PKD1L3: variants seen among roughly 807,000 people sequenced by gnomAD.
The protein encoded by PKD1L3 is polycystin-1-like protein 3.
A neutral mutation model predicts 184.1 loss-of-function variants in PKD1L3; 239 were observed. That is an observed-to-expected ratio of 1.30 (90% confidence interval 1.17 to 1.45). The LOEUF (loss-of-function observed/expected upper bound fraction) is 1.45, where lower values mean the gene tolerates loss of function less well. PKD1L3 is among the 40% of genes most tolerant of loss of function. PKD1L3 has a pLI of 0.00. For synonymous variants in PKD1L3, 996 were observed against 778.8 expected (o/e 1.28, Z -4.64); for missense variants, 2,660 against 2,067.2 (o/e 1.29, Z -5.56).
At position 71,952,983 on chromosome 16, in the gene PKD1L3, G is replaced by A. The variant is rs1399249154; in HGVS notation, c.2920C>T (p.Gln974Ter). 4 of 1,549,864 alleles carry A rather than the reference G, an allele frequency of 2.6e-6. No individual in the cohort carries two copies. Among genetic ancestry groups the A allele is most frequent in the Non-Finnish European group, 2.6e-6 (3 of 1,146,348 alleles). ...IGRLFPLIEP[Q>*]ETLPLFPPIQ... ...GGAGGAAAGAGGGGCAGAGTCTCCT[G>A]TGGCTCAATCAACGGGAAGAGCCGC... is the stretch of plus-strand genomic sequence containing the variant. The change falls in exon 18 of 30, where the codon CAG becomes TAG. Residue 974 changes from glutamine to a stop codon, truncating the protein, a stop_gained. Transcript: ENST00000620267. LOFTEE classifies it high-confidence loss of function.
intron 9 of PKD1L3, among the ~76,000 whole-genome samples, chr16:71,979,093 A>G (rs1023114306): frequency 1.3e-5 from 2 of 152,232 alleles, no homozygotes; most frequent in Non-Finnish European, 2.9e-5. Flanking sequence ...CAATATATTG[A>G]TATGACTGGG....
chr16:71,985,249 C>T (rs913346787), intron 5 of PKD1L3, among the ~76,000 whole-genome samples: 1 of 152,040 alleles, frequency 6.6e-6, no homozygotes, highest in African/African-American at 2.4e-5. Flanking sequence ...GTCAGTTTCT[C>T]CCCCAAATAG....
At chr16:71,947,361 G>A in intron 22 of PKD1L3, 131 bp downstream of exon 22, 1 of 635,736 alleles carries the variant, frequency 1.6e-6, no homozygotes, top group Non-Finnish European at 2.8e-6. Flanking sequence ...TTAGTCTTGG[G>A]CAGAAAAGGA....
At chr16:71,990,149 G>T in intron 4 of PKD1L3, 131 bp downstream of exon 4, 2 of 632,100 alleles carry the variant, frequency 3.2e-6, no homozygotes, top group Non-Finnish European at 4.6e-6. Context: ...TTTCTTGCAC[G>T]TAAGTACTTT....
chr16:71,977,090 G>A (rs1319028161), intron 11 of PKD1L3, 146 bp downstream of exon 11: 3 of 664,706 alleles, frequency 4.5e-6, no homozygotes, highest in African/African-American at 3.6e-5. Flanking sequence ...GTGCGCACTT[G>A]TAGTCCCAGC....
At position 71,979,889 on chromosome 16, in the gene PKD1L3, A is replaced by G. The variant is rs751168658; in HGVS notation, c.1295T>C (p.Leu432Pro). Residue 432 changes from leucine to proline, a missense_variant, in exon 9 of 30, where the codon CTG (leucine) becomes CCG (proline). Coordinates refer to ENST00000620267, the MANE Select transcript of PKD1L3 (RefSeq NM_181536.2). ...TGGGTGACCCAGAGTGTAAGAGCTC[A>G]GCGGTAAAGTTGATATGTTTTGTCT... Reference protein sequence around the residue: ...LSRQNISTLPLSSYTLGHPAP... With the variant: ...LSRQNISTLPPSSYTLGHPAP... 103 of 1,549,040 alleles carry G rather than the reference A, an allele frequency of 6.6e-5. No individual in the cohort carries two copies. Among genetic ancestry groups the G allele is most frequent in the Non-Finnish European group, 8.9e-5 (102 of 1,146,522 alleles).
At chr16:71,995,031 T>G (rs11645540) in intron 2 of PKD1L3, among the ~76,000 whole-genome samples, 32,143 of 152,124 alleles carry the variant, frequency 0.21, 4,142 homozygotes, top group South Asian at 0.43. Context: ...TATAATTGCT[T>G]TAGTCTGTTT....
chr16:71,974,456 G>T (rs907710604), intron 11 of PKD1L3, among the ~76,000 whole-genome samples: 5 of 152,198 alleles, frequency 3.3e-5, no homozygotes, highest in African/African-American at 1.2e-4. Flanking sequence ...AAGGCAGGAG[G>T]ATTATTTGAG....
chr16:71,949,398 G>T (rs889779024), intron 21 of PKD1L3, among the ~76,000 whole-genome samples: 7 of 149,384 alleles, frequency 4.7e-5, no homozygotes, highest in African/African-American at 1.7e-4. Flanking sequence ...TGTCACCTAG[G>T]CTGGAGTACA....
chr16:71,979,543 T>C (rs537984583), intron 9 of PKD1L3, among the ~76,000 whole-genome samples: 66 of 152,218 alleles, frequency 4.3e-4, no homozygotes, highest in Non-Finnish European at 3.4e-4. Flanking sequence ...TTGAAATCAA[T>C]TCAAATTACA....
At chr16:71,951,984 C>T (rs1394534280) in intron 18 of PKD1L3, among the ~76,000 whole-genome samples, 1 of 152,080 alleles carries the variant, frequency 6.6e-6, no homozygotes, top group Non-Finnish European at 1.5e-5. Flanking sequence ...GATCAAACAT[C>T]AAAGACTAAA....
At chr16:71,933,359 C>A in intron 28 of PKD1L3, 61 bp downstream of exon 28, 2 of 1,262,238 alleles carry the variant, frequency 1.6e-6, no homozygotes, top group South Asian at 1.3e-5. Flanking sequence ...TCATAAGGAC[C>A]CCCCCAATTT....
chr16:71,975,040 A>T (rs1179380954), intron 11 of PKD1L3, among the ~76,000 whole-genome samples: 1 of 152,074 alleles, frequency 6.6e-6, no homozygotes, highest in African/African-American at 2.4e-5. Context: ...ATATCTGGGC[A>T]CTATTTATAT....
Position 71,982,210 on chromosome 16 carries a change from TA to T in PKD1L3, c.991del (p.Tyr331ThrfsTer2), listed in dbSNP as rs1208262942. The T allele has an allele frequency of 6.5e-7, 1 of 1,542,134 alleles. No homozygotes were observed. Among genetic ancestry groups the T allele is most frequent in the Admixed American group, 2.0e-5 (1 of 49,548 alleles). Reference protein sequence around the residue: ...AQVNLINSLIYLSEELLRIPF... With the variant: ...AQVNLINSLIXLSEELLRIPF... ...GATCCTGAGTAACTCCTCACTCAGG[TA>T]AATAAGGGAATTGATGAGATTAACC... is the stretch of plus-strand genomic sequence containing the variant. On this transcript the variant is annotated frameshift_variant, in exon 7 of 30. Coordinates refer to ENST00000620267, the MANE Select transcript of PKD1L3 (RefSeq NM_181536.2). LOFTEE classifies it high-confidence loss of function.
intron 13 of PKD1L3, 105 bp downstream of exon 13, chr16:71,969,770 C>G: frequency 1.0e-6 from 1 of 991,724 alleles, no homozygotes; most frequent in Non-Finnish European, 1.5e-6. Context: ...TCTATGCCTC[C>G]CAGTACCAGG....
intron 16 of PKD1L3, among the ~76,000 whole-genome samples, chr16:71,955,460 T>C (rs894906039): frequency 6.6e-6 from 1 of 152,006 alleles, no homozygotes; most frequent in Non-Finnish European, 1.5e-5. Context: ...AAGGGGTGTA[T>C]ATAAACACAC....
chr16:71,945,269 T>C (rs1458009359), intron 22 of PKD1L3, among the ~76,000 whole-genome samples: 3 of 41,714 alleles, frequency 7.2e-5, no homozygotes, highest in Non-Finnish European at 1.2e-4. Context: ...TTCTTAACTA[T>C]ATATATATAT....
chr16:71,940,902 C>G (rs2038338210), intron 24 of PKD1L3, among the ~76,000 whole-genome samples: 1 of 151,668 alleles, frequency 6.6e-6, no homozygotes, highest in African/African-American at 2.4e-5. Flanking sequence ...CTGGTATGAT[C>G]TCAGCTCACT....
chr16:71,952,556 T>G (rs2038880766), intron 18 of PKD1L3, among the ~76,000 whole-genome samples: 1 of 55,180 alleles, frequency 1.8e-5, no homozygotes, highest in Non-Finnish European at 3.9e-5. Context: ...TGATACTGGC[T>G]GGGCACGGTG....
Sources: allele counts gnomAD v4.1 joint callset (sites outside exome capture counted in the v4.1 genomes callset), GRCh38; gene constraint gnomAD v4.1.1; transcripts MANE v1.5; gene names NCBI Gene and HGNC (gene_info 2026-07-23, HGNC 2026-07-21).